SPIN1: variants seen among roughly 807,000 people sequenced by gnomAD.
SPIN1 encodes the protein spindlin 1, also known as spindlin-1.
In SPIN1, 3 loss-of-function variants were observed where a neutral mutation model predicts 26.0. The ratio of observed to expected loss-of-function variants is 0.12; its 90% CI spans 0.05 to 0.30. The LOEUF is 0.30. Ranked by LOEUF, SPIN1 falls within the 10% of genes least tolerant of loss-of-function variation. The pLI, the probability that SPIN1 is intolerant of heterozygous loss-of-function variation, is 1.00. For missense variants in SPIN1, 126 were observed against 333.4 expected (o/e 0.38, Z 4.84); for synonymous variants, 101 against 116.5 (o/e 0.87, Z 0.86).
intron 2 of SPIN1, among the ~76,000 whole-genome samples, chr9:88,436,814 G>C (rs1237448230): frequency 7.1e-6 from 1 of 141,212 alleles, no homozygotes; most frequent in Admixed American, 7.4e-5. Context: ...GCCCAGGCTG[G>C]AGTGCAGTGG....
intron 2 of SPIN1, among the ~76,000 whole-genome samples, chr9:88,434,816 G>A (rs28519608): frequency 0.19 from 29,193 of 152,034 alleles, 3,693 homozygotes; most frequent in African/African-American, 0.36. Context: ...CAACACTCTG[G>A]GAGGCCGAAG....
chr9:88,456,022 T>G (rs1828464205), intron 3 of SPIN1, among the ~76,000 whole-genome samples: 1 of 152,194 alleles, frequency 6.6e-6, no homozygotes, highest in Non-Finnish European at 1.5e-5. Flanking sequence ...AGCTTTTAAA[T>G]TAATGGGGCC....
At position 88,437,208 on chromosome 9, in the gene SPIN1, C is replaced by T. The variant is rs538484930; in HGVS notation, c.52+10617C>T. Among the ~76,000 whole-genome samples, 8 of 152,200 alleles carry T rather than the reference C, an allele frequency of 5.3e-5. No individual in the cohort carries two copies. The South Asian group carries it at 8.3e-4, about 16-fold the overall frequency. ...CAAATTTTGGCAGTTTTGAATAAAG[C>T]TGCTATAGGCCGGGGGTGGTGGCTC... is the stretch of plus-strand genomic sequence containing the variant. On this transcript the variant is annotated intron_variant, in intron 2 of 5. Transcript: ENST00000375859.
intron 4 of SPIN1, among the ~76,000 whole-genome samples, chr9:88,465,744 T>A (rs971788251): frequency 5.3e-5 from 8 of 152,242 alleles, no homozygotes; most frequent in Non-Finnish European, 1.0e-4. Flanking sequence ...AGATTCTGCA[T>A]TGTAACTAAC....
chr9:88,462,050 C>A (rs1055952365), intron 3 of SPIN1, among the ~76,000 whole-genome samples: 1 of 152,140 alleles, frequency 6.6e-6, no homozygotes, highest in African/African-American at 2.4e-5. Context: ...TGAATAGTTA[C>A]ACATTTCTTT....
chr9:88,403,763 G>A (rs1287463431), intron 1 of SPIN1, among the ~76,000 whole-genome samples: 1 of 152,124 alleles, frequency 6.6e-6, no homozygotes, highest in Non-Finnish European at 1.5e-5. Context: ...TTTTTAAGGG[G>A]CCAGTATTAT....
chr9:88,429,942 C>T (rs1433365018), intron 2 of SPIN1, among the ~76,000 whole-genome samples: 7 of 152,026 alleles, frequency 4.6e-5, no homozygotes, highest in Non-Finnish European at 7.4e-5. Flanking sequence ...AGGAGGAAGG[C>T]CAAATATATA....
At chr9:88,468,725 G>A in intron 5 of SPIN1, 120 bp downstream of exon 5, 1 of 570,218 alleles carries the variant, frequency 1.8e-6, no homozygotes, top group Non-Finnish European at 2.7e-6. Flanking sequence ...GATTCTTTTA[G>A]TCATGCACAA....
chr9:88,434,341 ATAGTTTATTTTATAAATTATAAAATAGT>A (rs1827952021), intron 2 of SPIN1, among the ~76,000 whole-genome samples: 1 of 114,284 alleles, frequency 8.8e-6, no homozygotes, highest in Admixed American at 8.7e-5. Context: ...AAATTATAAA[ATAGTTTATTTTATAAATTATAAAATAGT>A]TTATTTTATA....
At chr9:88,404,532 T>C (rs1237723390) in intron 1 of SPIN1, among the ~76,000 whole-genome samples, 1 of 152,208 alleles carries the variant, frequency 6.6e-6, no homozygotes. Flanking sequence ...TACAGATGTA[T>C]AGAAATACTT....
intron 4 of SPIN1, among the ~76,000 whole-genome samples, chr9:88,464,806 A>G (rs886164122): frequency 6.6e-6 from 1 of 152,162 alleles, no homozygotes; most frequent in Non-Finnish European, 1.5e-5. Context: ...TTAAGTGTAC[A>G]GTTCAGTAGT....
rs201459647 is a variant in SPIN1, at chr9:88,438,150, C to CA, written c.53-10777dup. 5.6e-3 allele frequency among the ~76,000 whole-genome samples: 697 copies of CA among 124,460 alleles called. 3 individuals carry two copies. Among genetic ancestry groups the CA allele is most frequent in the Middle Eastern group, 0.024 (6 of 246 alleles). 81.7% of individuals were successfully genotyped at this position (124,460 alleles called of 152,430 possible). On this transcript the variant is annotated intron_variant, in intron 2 of 5. Coordinates refer to ENST00000375859, the MANE Select transcript of SPIN1 (RefSeq NM_006717.3). ...TGGGCCACAGAGCAAGACCCTGTCTCAAAAAAAAAAAAAAGATTTTTAATT... is the reference window on the plus strand; with the variant it reads ...TGGGCCACAGAGCAAGACCCTGTCTCAAAAAAAAAAAAAAAGATTTTTAATT...
chr9:88,467,655 G>A (rs1828697309), intron 4 of SPIN1, among the ~76,000 whole-genome samples: 2 of 152,240 alleles, frequency 1.3e-5, no homozygotes, highest in Middle Eastern at 6.8e-3. Flanking sequence ...GCTATGGTGA[G>A]CAGTTTGGTT....
intron 1 of SPIN1, among the ~76,000 whole-genome samples, chr9:88,392,693 T>C (rs975021721): frequency 6.6e-6 from 1 of 152,084 alleles, no homozygotes; most frequent in Non-Finnish European, 1.5e-5. Context: ...TATCCTCCTT[T>C]GTGAGTGTGT....
chr9:88,458,586 C>T lies in SPIN1; in HGVS notation c.102-3910C>T, dbSNP rs544747951. 1.4e-4 allele frequency among the ~76,000 whole-genome samples: 21 copies of T among 152,046 alleles called. No individual in the cohort carries two copies. The South Asian group carries it at 2.7e-3, about 20-fold the overall frequency. Reference sequence around the variant, plus strand: ...TGCTAACAGGTGTGGGAGGGAGCAGCGACAACGAAAAATTCTGCTGTCATA... The same window carrying T: ...TGCTAACAGGTGTGGGAGGGAGCAGTGACAACGAAAAATTCTGCTGTCATA... On this transcript the variant is annotated intron_variant, in intron 3 of 5. Transcript: ENST00000375859.
intron 1 of SPIN1, among the ~76,000 whole-genome samples, chr9:88,390,854 G>GT (rs887353209): frequency 6.6e-5 from 10 of 151,658 alleles, no homozygotes; most frequent in African/African-American, 2.2e-4. Context: ...TTTAAAAAAA[G>GT]TTTTTTTTTA....
intron 1 of SPIN1, among the ~76,000 whole-genome samples, chr9:88,415,237 C>T (rs2117977706): frequency 6.6e-6 from 1 of 152,136 alleles, no homozygotes; most frequent in South Asian, 2.1e-4. Flanking sequence ...AATTTGGGCT[C>T]TGAAGGCCTT....
intron 4 of SPIN1, among the ~76,000 whole-genome samples, chr9:88,466,652 A>G (rs1384658053): frequency 6.6e-6 from 1 of 152,220 alleles, no homozygotes; most frequent in Non-Finnish European, 1.5e-5. Context: ...TGTATCAAGA[A>G]AATCTCACTT....
intron 1 of SPIN1, among the ~76,000 whole-genome samples, chr9:88,393,227 A>T (rs1037829514): frequency 6.6e-6 from 1 of 151,536 alleles, no homozygotes; most frequent in Non-Finnish European, 1.5e-5. Context: ...ACATGAAAAG[A>T]CTAGTAAGGC....
Sources: gnomAD v4.1 joint callset for allele counts (sites outside exome capture counted in the v4.1 genomes callset) on GRCh38, gnomAD v4.1.1 for gene constraint, MANE v1.5 for transcripts, NCBI Gene and HGNC (gene_info 2026-07-23, HGNC 2026-07-21) for gene names.